ZNF562: variants seen among roughly 807,000 people sequenced by gnomAD.
ZNF562 encodes zinc finger protein 562.
In ZNF562, 13 loss-of-function variants were observed where a neutral mutation model predicts 17.5. The ratio of observed to expected loss-of-function variants is 0.74; its 90% CI spans 0.48 to 1.18. The LOEUF (loss-of-function observed/expected upper bound fraction) is 1.18. Among genes scored for constraint, ZNF562 ranks in the 50% most tolerant of loss-of-function variants. The probability of loss-of-function intolerance (pLI) is 0.00; values close to 1 mark genes in which losing one functional copy is unlikely to be tolerated. For missense variants in ZNF562, 481 were observed against 498.5 expected (o/e 0.96, Z 0.33); for synonymous variants, 163 against 165.4 (o/e 0.99, Z 0.11).
At chr19:9,665,009 G>T (rs1313199982) in intron 1 of ZNF562, among the ~76,000 whole-genome samples, 1 of 152,124 alleles carries the variant, frequency 6.6e-6, no homozygotes, top group Non-Finnish European at 1.5e-5. Context: ...CTCACCTGAG[G>T]TCAGGAGTTT....
At chr19:9,655,709 TTTTC>T (rs1568263730) in intron 5 of ZNF562, among the ~76,000 whole-genome samples, 33 of 136,714 alleles carry the variant, frequency 2.4e-4, no homozygotes, top group African/African-American at 7.3e-4. Flanking sequence ...ATTCACTTTC[TTTTC>T]TTTCTTTTTT....
chr19:9,670,991 C>T (rs1334287520), intron 1 of ZNF562, among the ~76,000 whole-genome samples: 1 of 146,646 alleles, frequency 6.8e-6, no homozygotes, highest in East Asian at 2.0e-4. Flanking sequence ...CGGTGAGACT[C>T]CATCTCCCAA....
chr19:9,642,527 T>G lies in ZNF562; in HGVS notation c.*10422A>C, dbSNP rs2074779167. ...CCTGAGCTCAAGCGATCATCCTTCC[T>G]TGGCCTCCCACATTGTTGGCATTAC... On this transcript the variant is annotated 3_prime_UTR_variant, in exon 6 of 6. Transcript: ENST00000453372. 6.6e-6 allele frequency: 1 copy of G among 152,068 alleles called. No individual in the cohort carries two copies. The highest frequency in any genetic ancestry group is 1.5e-5 in the Non-Finnish European group (1 of 68,018). The allele number at this position is 152,068 out of a possible 1,614,324, so 9.4% of individuals were successfully genotyped here.
At chr19:9,668,135 G>A (rs182354114) in intron 1 of ZNF562, among the ~76,000 whole-genome samples, 1 of 152,172 alleles carries the variant, frequency 6.6e-6, no homozygotes, top group Admixed American at 6.6e-5. Flanking sequence ...CAGAATTTTG[G>A]GAGGCTGAGG....
chr19:9,650,243 TAC>T lies in ZNF562; in HGVS notation c.*2704_*2705del, dbSNP rs2074848206. 2 of 152,100 alleles carry T rather than the reference TAC, an allele frequency of 1.3e-5. No homozygotes were observed. Among genetic ancestry groups the T allele is most frequent in the Non-Finnish European group, 2.9e-5 (2 of 68,022 alleles). The allele number at this position is 152,100 out of a possible 1,614,324, so 9.4% of individuals were successfully genotyped here. On this transcript the variant is annotated 3_prime_UTR_variant, in exon 6 of 6. Coordinates refer to ENST00000453372, the MANE Select transcript of ZNF562 (RefSeq NM_001130031.2). ...ATATTTAGAGAGAGCTTCATCATCATACGAATTTTGGGGGTCATTGTTCAGTC... is the reference window on the plus strand; with the variant it reads ...ATATTTAGAGAGAGCTTCATCATCATGAATTTTGGGGGTCATTGTTCAGTC...
rs532521871 is a variant in ZNF562 at position 9,653,531 on chromosome 19, T to C, written c.699A>G (p.Glu233=). 1.1e-5 allele frequency: 18 copies of C among 1,614,194 alleles called. No individual in the cohort carries two copies. The East Asian group carries it at 2.0e-4, about 18-fold the overall frequency. The part of the protein sequence containing the change: ...MGIHIGEKLC[E]FQECERAITT... ...TGATGGCTCTCTCACATTCCTGAAA[T>C]TCACAGAGTTTCTCTCCAATGTGGA... The change falls in exon 6 of 6, where the codon GAA becomes GAG. Residue 233 remains glutamate (E), a synonymous_variant. Coordinates refer to ENST00000453372, the MANE Select transcript of ZNF562 (RefSeq NM_001130031.2).
At position 9,643,078 on chromosome 19, in the gene ZNF562, A is replaced by T. The variant is rs2074783745; in HGVS notation, c.*9871T>A. 6.8e-6 allele frequency: 1 copy of T among 147,128 alleles called. No individual in the cohort carries two copies. The highest frequency in any genetic ancestry group is 1.5e-5 in the Non-Finnish European group (1 of 67,286). 9.1% of individuals were successfully genotyped at this position (147,128 alleles called of 1,614,324 possible). On this transcript the variant is annotated 3_prime_UTR_variant, in exon 6 of 6. Transcript: ENST00000453372. ...AAAAAAAAAAAGAACACCACCGGCC[A>T]CTGTGGCTCATTCCTGTAATCCCAG...
chr19:9,656,133 G>A (rs750511460), intron 5 of ZNF562, among the ~76,000 whole-genome samples: 1 of 152,154 alleles, frequency 6.6e-6, no homozygotes, highest in Non-Finnish European at 1.5e-5. Context: ...AAGTAGCTGG[G>A]ATTACAGATG....
chr19:9,659,776 C>T (rs992718897), intron 2 of ZNF562, among the ~76,000 whole-genome samples: 14 of 151,446 alleles, frequency 9.2e-5, no homozygotes, highest in South Asian at 2.1e-4. Context: ...TCCAAAGGCA[C>T]ACAAACCAGG....
intron 1 of ZNF562, among the ~76,000 whole-genome samples, chr19:9,666,687 A>G (rs2043972015): frequency 6.6e-6 from 1 of 152,126 alleles, no homozygotes. Flanking sequence ...ATAAAAAATG[A>G]AAAAGAAAAC....
rs1402586319 is a variant in ZNF562, at chr19:9,643,060, AAAAG to A, written c.*9885_*9888del. The A allele has an allele frequency of 5.1e-3, 743 of 144,732 alleles. 12 individuals carry two copies. Among genetic ancestry groups the A allele is most frequent in the African/African-American group, 0.019 (704 of 37,938 alleles). The allele number at this position is 144,732 out of a possible 1,614,324, so 9.0% of individuals were successfully genotyped here. ...CTGTCTCTGGAAAAAAAAAAAAAAA[AAAAG>A]AACACCACCGGCCACTGTGGCTCAT... On this transcript the variant is annotated 3_prime_UTR_variant, in exon 6 of 6. Coordinates refer to ENST00000453372, the MANE Select transcript of ZNF562 (RefSeq NM_001130031.2).
rs1038285718 is a variant in ZNF562, at chr19:9,649,301, T to G, written c.*3648A>C. The G allele has an allele frequency of 6.6e-6, 1 of 152,192 alleles. No individual in the cohort carries two copies. The highest frequency in any genetic ancestry group is 2.4e-5 in the African/African-American group (1 of 41,452). 9.4% of individuals were successfully genotyped at this position (152,192 alleles called of 1,614,324 possible). ...GTAATAATTGCATTAACTGCACAAA[T>G]TATACAGCATGTGTGTTTGAGCAAT... On this transcript the variant is annotated 3_prime_UTR_variant, in exon 6 of 6. Transcript: ENST00000453372.
rs1292840044 is a variant in ZNF562 at position 9,648,550 on chromosome 19, A to AC, written c.*4398dup. The AC allele has an allele frequency of 6.7e-6, 1 of 148,332 alleles. No homozygotes were observed. Among genetic ancestry groups the AC allele is most frequent in the Non-Finnish European group, 1.5e-5 (1 of 67,242 alleles). 9.2% of individuals were successfully genotyped at this position (148,332 alleles called of 1,614,324 possible). On this transcript the variant is annotated 3_prime_UTR_variant, in exon 6 of 6. Transcript: ENST00000453372. Reference sequence around the variant, plus strand: ...ACTCTTGACCTCAAATGATCTGCCCACCCCCACCTCCCAAATTGCTGGGAT... The same window carrying AC: ...ACTCTTGACCTCAAATGATCTGCCCACCCCCCACCTCCCAAATTGCTGGGAT...
At chr19:9,674,362 G>A (rs192453416) in intron 1 of ZNF562, among the ~76,000 whole-genome samples, 8 of 152,100 alleles carry the variant, frequency 5.3e-5, no homozygotes, top group Non-Finnish European at 1.0e-4. Flanking sequence ...AAAAGTAGAA[G>A]GCAAAGAATT....
chr19:9,653,534 A>T lies in ZNF562; in HGVS notation c.696T>A (p.Cys232Ter). The T allele has an allele frequency of 6.2e-7, 1 of 1,614,194 alleles. No homozygotes were observed. The highest frequency in any genetic ancestry group is 8.5e-7 in the Non-Finnish European group (1 of 1,180,032). The change falls in exon 6 of 6, where the codon TGT (cysteine) becomes TGA (stop). Residue 232 changes from cysteine (C) to a stop codon, truncating the protein, a stop_gained. Coordinates refer to ENST00000453372, the MANE Select transcript of ZNF562 (RefSeq NM_001130031.2). LOFTEE classifies it low-confidence loss of function (END_TRUNC). The part of the protein sequence containing the change: ...HMGIHIGEKL[C>*]EFQECERAIT... ...TGGCTCTCTCACATTCCTGAAATTC[A>T]CAGAGTTTCTCTCCAATGTGGATTC...
chr19:9,661,968 C>T (rs2043762778), intron 1 of ZNF562, among the ~76,000 whole-genome samples: 1 of 152,042 alleles, frequency 6.6e-6, no homozygotes, highest in Non-Finnish European at 1.5e-5. Flanking sequence ...CACCAGGTTG[C>T]CCAGGCTGGT....
In ZNF562 at chr19:9,647,119, G is replaced by C. The variant is rs1384707776; in HGVS notation, c.*5830C>G. On this transcript the variant is annotated 3_prime_UTR_variant, in exon 6 of 6. Coordinates refer to ENST00000453372, the MANE Select transcript of ZNF562 (RefSeq NM_001130031.2). ...TTTTTTTGAGACGGATTCTCGCTCT[G>C]TCGTCAGGCTGGAGTGCAGTGGTGT... is the stretch of plus-strand genomic sequence containing the variant. 1 of 136,428 alleles carries C rather than the reference G, an allele frequency of 7.3e-6. No homozygotes were observed. The highest frequency in any genetic ancestry group is 2.2e-4 in the East Asian group (1 of 4,528). The allele number at this position is 136,428 out of a possible 1,614,324, so 8.5% of individuals were successfully genotyped here. A position where few individuals can be genotyped will look rare whatever the true frequency, so the allele number is the denominator to read the frequency against.
intron 4 of ZNF562, among the ~76,000 whole-genome samples, chr19:9,657,047 A>G (rs1054621584): frequency 6.7e-6 from 1 of 150,142 alleles, no homozygotes; most frequent in Non-Finnish European, 1.5e-5. Context: ...CTCAAAAAAA[A>G]AAAAGAAAAA....
Position 9,645,493 on chromosome 19 carries a change from G to A in ZNF562, c.*7456C>T, listed in dbSNP as rs1057247246. On this transcript the variant is annotated 3_prime_UTR_variant, in exon 6 of 6. Coordinates refer to ENST00000453372, the MANE Select transcript of ZNF562 (RefSeq NM_001130031.2). ...TAATAAACAGCCACAAAAATTACTA[G>A]CTGAAAACAGCAGCTACTTAATTAG... is the stretch of plus-strand genomic sequence containing the variant. 3 of 152,196 alleles carry A rather than the reference G, an allele frequency of 2.0e-5. No homozygotes were observed. The highest frequency in any genetic ancestry group is 4.4e-5 in the Non-Finnish European group (3 of 68,050). 9.4% of individuals were successfully genotyped at this position (152,196 alleles called of 1,614,324 possible).
Sources: gnomAD v4.1 joint callset for allele counts (sites outside exome capture counted in the v4.1 genomes callset) on GRCh38, gnomAD v4.1.1 for gene constraint, MANE v1.5 for transcripts, NCBI Gene and HGNC (gene_info 2026-07-23, HGNC 2026-07-21) for gene names.